Variants in SV2C observed in about 807,000 individuals in gnomAD.
SV2C encodes the protein synaptic vesicle glycoprotein 2C.
Under a neutral mutation model 79.7 loss-of-function variants are expected in SV2C, and 49 were observed. The ratio of observed to expected loss-of-function variants is 0.61; its 90% CI spans 0.49 to 0.78. SV2C has a LOEUF of 0.78. SV2C is among the 30% of genes least tolerant of loss of function. SV2C has a pLI of 0.00. For missense variants in SV2C, 833 were observed against 912.9 expected (o/e 0.91, Z 1.13); for synonymous variants, 334 against 333.2 (o/e 1.00, Z -0.03).
intron 3 of SV2C, among the ~76,000 whole-genome samples, chr5:76,201,584 G>T (rs1744442891): frequency 6.6e-6 from 1 of 152,180 alleles, no homozygotes. Flanking sequence ...TTGAGTTATA[G>T]TAAGAATACC....
chr5:75,934,085 C>T, the SV2C span, among the ~76,000 whole-genome samples: 1 of 152,058 alleles, frequency 6.6e-6, no homozygotes, highest in South Asian at 2.1e-4. Context: ...TTTACTACTA[C>T]CATCTCCATT....
At chr5:76,280,589 C>T (rs2112488182) in intron 4 of SV2C, among the ~76,000 whole-genome samples, 1 of 152,260 alleles carries the variant, frequency 6.6e-6, no homozygotes, top group East Asian at 1.9e-4. Flanking sequence ...AGATGGAGCC[C>T]GGCGTCCTTG....
At chr5:76,227,222 G>A (rs894884959) in intron 4 of SV2C, among the ~76,000 whole-genome samples, 13 of 152,166 alleles carry the variant, frequency 8.5e-5, no homozygotes, top group African/African-American at 3.1e-4. Flanking sequence ...GGCTGGCCAG[G>A]CAGAAGACCC....
intron 4 of SV2C, among the ~76,000 whole-genome samples, chr5:76,259,411 G>A (rs1465310344): frequency 6.6e-6 from 1 of 152,104 alleles, no homozygotes; most frequent in African/African-American, 2.4e-5. Flanking sequence ...TAATGGTGTT[G>A]ATCAATGATT....
the SV2C span, chr5:75,910,257 C>G: frequency 2.2e-6 from 1 of 462,732 alleles, no homozygotes; most frequent in Admixed American, 2.4e-5. Flanking sequence ...GGCGAAACCT[C>G]ATCTCTACAA....
intron 8 of SV2C, among the ~76,000 whole-genome samples, chr5:76,294,199 G>GATGTC (rs1234414587): frequency 6.6e-6 from 1 of 151,958 alleles, no homozygotes; most frequent in Non-Finnish European, 1.5e-5. Context: ...GTGAACCACA[G>GATGTC]ATGTCATTTC....
chr5:75,917,717 C>CA, the SV2C span, among the ~76,000 whole-genome samples: 1 of 151,618 alleles, frequency 6.6e-6, no homozygotes, highest in Non-Finnish European at 1.5e-5. Flanking sequence ...ATAGGTACCC[C>CA]AAAAAAATAG....
chr5:76,256,440 CTTGTGA>C (rs1746269038), intron 4 of SV2C, among the ~76,000 whole-genome samples: 1 of 152,194 alleles, frequency 6.6e-6, no homozygotes, highest in East Asian at 1.9e-4. Flanking sequence ...CTGTGTGTCT[CTTGTGA>C]ACCCAGGGTG....
At chr5:75,954,851 C>A in the SV2C span, among the ~76,000 whole-genome samples, 1 of 141,952 alleles carries the variant, frequency 7.0e-6, no homozygotes, top group African/African-American at 2.9e-5. Flanking sequence ...TGTGAAGGAC[C>A]TCTTCAAGGA....
At chr5:76,348,576 A>T (rs1192818516) in intron 12 of SV2C, among the ~76,000 whole-genome samples, 1 of 152,230 alleles carries the variant, frequency 6.6e-6, no homozygotes, top group East Asian at 1.9e-4. Context: ...CTGTTGCTCC[A>T]CATCCTTGTC....
At chr5:76,258,080 G>A (rs1052024075) in intron 4 of SV2C, among the ~76,000 whole-genome samples, 2 of 147,736 alleles carry the variant, frequency 1.4e-5, no homozygotes, top group Middle Eastern at 7.2e-3. Context: ...TATGGGGGGT[G>A]TGGTATGTGG....
chr5:76,245,928 G>GTGTGTA lies in SV2C; in HGVS notation c.913+36046_913+36047insATGTGT, dbSNP rs1554042664. On this transcript the variant is annotated intron_variant, in intron 4 of 12. Coordinates refer to ENST00000502798, the MANE Select transcript of SV2C (RefSeq NM_014979.4). ...GGCAGGGGAGTGTGTGTGTGTGTGTGTGTGTGTATGTGTGTGTGTGTGTGT... is the reference window on the plus strand; with the variant it reads ...GGCAGGGGAGTGTGTGTGTGTGTGTGTGTGTATGTGTGTATGTGTGTGTGTGTGTGT... Among the ~76,000 whole-genome samples, 43 of 140,338 alleles carry GTGTGTA rather than the reference G, an allele frequency of 3.1e-4. No homozygotes were observed. The Middle Eastern group carries it at 0.011, about 34-fold the overall frequency. The allele number at this position is 140,338 out of a possible 152,430, so 92.1% of individuals were successfully genotyped here. A position where few individuals can be genotyped will look rare whatever the true frequency, so the allele number is the denominator to read the frequency against.
chr5:76,096,247 A>G (rs749030772), intron 1 of SV2C, among the ~76,000 whole-genome samples: 1 of 152,104 alleles, frequency 6.6e-6, no homozygotes, highest in Non-Finnish European at 1.5e-5. Context: ...TTTTCCTAAT[A>G]TCTATCAATT....
chr5:75,962,724 C>T, the SV2C span, among the ~76,000 whole-genome samples: 1 of 152,100 alleles, frequency 6.6e-6, no homozygotes, highest in African/African-American at 2.4e-5. Flanking sequence ...TCACCCTGGA[C>T]ATGGGATGTA....
At chr5:76,136,198 T>C (rs1749064163) in intron 2 of SV2C, among the ~76,000 whole-genome samples, 1 of 152,250 alleles carries the variant, frequency 6.6e-6, no homozygotes, top group Non-Finnish European at 1.5e-5. Context: ...TGAAACATCC[T>C]GTGCTTCTTT....
the SV2C span, among the ~76,000 whole-genome samples, chr5:75,952,773 C>A: frequency 6.6e-6 from 1 of 151,852 alleles, no homozygotes; most frequent in Non-Finnish European, 1.5e-5. Context: ...AGCCGTGAGC[C>A]AATTAAATGT....
At chr5:76,353,082 A>G (rs1354206247) in intron 12 of SV2C, 2 of 451,642 alleles carry the variant, frequency 4.4e-6, no homozygotes, top group Admixed American at 2.4e-5. Context: ...CTAGGACTAC[A>G]GGTGGGAGCC....
At chr5:76,073,493 G>A in the SV2C span, among the ~76,000 whole-genome samples, 3 of 99,554 alleles carry the variant, frequency 3.0e-5, no homozygotes, top group Admixed American at 1.2e-4. Context: ...AATGTGGTAT[G>A]TATGTGTGTG....
intron 4 of SV2C, among the ~76,000 whole-genome samples, chr5:76,277,211 CATGAGCTT>C (rs1256819043): frequency 4.0e-5 from 6 of 150,202 alleles, no homozygotes; most frequent in Non-Finnish European, 7.5e-5. Context: ...TAAAGCTAAA[CATGAGCTT>C]ATTATGTGAC....
Sources: gnomAD v4.1 joint callset for allele counts (sites outside exome capture counted in the v4.1 genomes callset) on GRCh38, gnomAD v4.1.1 for gene constraint, MANE v1.5 for transcripts, NCBI Gene and HGNC (gene_info 2026-07-23, HGNC 2026-07-21) for gene names.